CLSTN1: variants seen among roughly 807,000 people sequenced by gnomAD.
CLSTN1 encodes calsyntenin 1, also known as calsyntenin-1.
CLSTN1 carries 28 observed loss-of-function variants against 108.3 expected under a neutral mutation model. The ratio of observed to expected loss-of-function variants is 0.26; its 90% CI spans 0.19 to 0.35. The LOEUF (loss-of-function observed/expected upper bound fraction) is 0.35, where lower values mean the gene tolerates loss of function less well. Ranked by LOEUF, CLSTN1 falls within the 10% of genes least tolerant of loss-of-function variation. The pLI is 1.00. For synonymous variants in CLSTN1, 524 were observed against 534.9 expected, an observed-to-expected ratio of 0.98 and a Z score of 0.28; for missense variants, 1,157 against 1,302.6, an observed-to-expected ratio of 0.89 and a Z score of 1.72.
chr1:9,762,993 G>A (rs991491360), intron 2 of CLSTN1, among the ~76,000 whole-genome samples: 3 of 151,472 alleles, frequency 2.0e-5, no homozygotes, highest in Admixed American at 6.6e-5. Context: ...ACAGAGTCTC[G>A]CTCTGTCACC....
chr1:9,802,516 A>T (rs563275453), intron 1 of CLSTN1, among the ~76,000 whole-genome samples: 9 of 152,330 alleles, frequency 5.9e-5, no homozygotes, highest in African/African-American at 1.9e-4. Flanking sequence ...CAGATTTTTT[A>T]AACTCCACTC....
At chr1:9,821,936 C>T (rs548864356) in intron 1 of CLSTN1, among the ~76,000 whole-genome samples, 57 of 152,276 alleles carry the variant, frequency 3.7e-4, no homozygotes, top group African/African-American at 1.3e-3. Flanking sequence ...AGATTTCTGT[C>T]GGTCTCAGGT....
At chr1:9,777,080 T>A (rs1261308245) in intron 1 of CLSTN1, among the ~76,000 whole-genome samples, 1 of 150,262 alleles carries the variant, frequency 6.7e-6, no homozygotes. Flanking sequence ...ATTAGCCGGG[T>A]GTGGTGACAC....
chr1:9,749,662 A>G lies in CLSTN1; in HGVS notation c.800-16T>C, dbSNP rs769995715. 3 of 1,612,810 alleles carry G rather than the reference A, an allele frequency of 1.9e-6. No individual in the cohort carries two copies. In the South Asian group the frequency reaches 3.3e-5, roughly 18 times the overall value. On this transcript the variant is annotated splice_polypyrimidine_tract_variant and intron_variant, in intron 6 of 18. Coordinates refer to ENST00000377298, the MANE Select transcript of CLSTN1 (RefSeq NM_001009566.3). ...TTGTTCCATCCTGTGTTGGTCCACA[A>G]GTCAGCAGGGGAAGAGAGAAGGAAA...
At chr1:9,749,188 GCCA>G (rs1651428257) in intron 7 of CLSTN1, among the ~76,000 whole-genome samples, 1 of 152,256 alleles carries the variant, frequency 6.6e-6, no homozygotes, top group South Asian at 2.1e-4. Flanking sequence ...ACAGGTATAA[GCCA>G]CCACATCTGG....
chr1:9,796,404 C>T (rs947046034), intron 1 of CLSTN1, among the ~76,000 whole-genome samples: 19 of 150,162 alleles, frequency 1.3e-4, no homozygotes, highest in African/African-American at 2.9e-4. Context: ...GGGCCAGGCG[C>T]GGTGGCTCAC....
rs115266624 is a variant in CLSTN1, at chr1:9,755,993, G to A, written c.244+488C>T. ...GACTGGCTAGACTTGCCTTTGTTTCGGACTTTATCCTATCAAACCTGAAAA... is the reference window on the plus strand; with the variant it reads ...GACTGGCTAGACTTGCCTTTGTTTCAGACTTTATCCTATCAAACCTGAAAA... On this transcript the variant is annotated intron_variant, in intron 3 of 18. Transcript: ENST00000377298. Among the ~76,000 whole-genome samples the A allele has an allele frequency of 4.2e-3, 645 of 152,104 alleles. 6 individuals are homozygous for A. The highest frequency in any genetic ancestry group is 0.014 in the African/African-American group (585 of 41,506).
rs142957859 is a variant in CLSTN1 at position 9,777,501 on chromosome 1, C to A, written c.92-4107G>T. Among the ~76,000 whole-genome samples the A allele has an allele frequency of 4.9e-3, 747 of 152,168 alleles. 5 individuals are homozygous for A. The highest frequency in any genetic ancestry group is 0.017 in the African/African-American group (700 of 41,522). On this transcript the variant is annotated intron_variant, in intron 1 of 18. Coordinates refer to ENST00000377298, the MANE Select transcript of CLSTN1 (RefSeq NM_001009566.3). ...TCTCGCCACTGCACTCCAGCCTGGACAACAGAGCGAGACTATGTCTCAAAA... is the reference window on the plus strand; with the variant it reads ...TCTCGCCACTGCACTCCAGCCTGGAAAACAGAGCGAGACTATGTCTCAAAA...
intron 2 of CLSTN1, among the ~76,000 whole-genome samples, chr1:9,765,200 C>A (rs1021831101): frequency 6.6e-6 from 1 of 151,958 alleles, no homozygotes; most frequent in Admixed American, 6.6e-5. Context: ...GCCTGACCAA[C>A]ATGGAGAAAC....
chr1:9,824,133 A>T (rs1395392919), upstream of CLSTN1: 1 of 140,094 alleles, frequency 7.1e-6, no homozygotes, highest in Admixed American at 6.9e-5. The surrounding 1 kb of genome is among the most constrained non-coding windows in gnomAD (Gnocchi z 5.0). Context: ...CGCGCGGCGG[A>T]CCCGGCAGCG....
chr1:9,818,309 C>T (rs1655056555), intron 1 of CLSTN1, among the ~76,000 whole-genome samples: 1 of 151,448 alleles, frequency 6.6e-6, no homozygotes, highest in Non-Finnish European at 1.5e-5. Flanking sequence ...CATGCCTGGC[C>T]GTTTGGGTTT....
intron 1 of CLSTN1, among the ~76,000 whole-genome samples, chr1:9,794,704 T>C (rs1422563799): frequency 6.6e-6 from 1 of 151,476 alleles, no homozygotes; most frequent in African/African-American, 2.4e-5. Flanking sequence ...TGCAATGTTA[T>C]CAGAAAATAT....
chr1:9,808,748 A>G (rs12738754), intron 1 of CLSTN1, among the ~76,000 whole-genome samples: 4,541 of 152,062 alleles, frequency 0.03, 162 homozygotes, highest in Non-Finnish European at 0.034. Flanking sequence ...ACGGACTCAC[A>G]TTGGTTGGCC....
At chr1:9,780,106 T>C (rs1467226701) in intron 1 of CLSTN1, among the ~76,000 whole-genome samples, 1 of 152,146 alleles carries the variant, frequency 6.6e-6, no homozygotes, top group Non-Finnish European at 1.5e-5. Flanking sequence ...CTGCCTGCAT[T>C]GGCCTCCCAA....
intron 1 of CLSTN1, among the ~76,000 whole-genome samples, chr1:9,815,254 G>C (rs114485631): frequency 6.6e-6 from 1 of 152,182 alleles, no homozygotes. Flanking sequence ...TTAAGAAAAG[G>C]GTTGCTCTGT....
chr1:9,750,715 C>CAAAAAAAAAAAAAAAA (rs775430059), intron 5 of CLSTN1, among the ~76,000 whole-genome samples: 21 of 77,152 alleles, frequency 2.7e-4, no homozygotes, highest in East Asian at 7.3e-4. Context: ...TTCCCTCAAA[C>CAAAAAAAAAAAAAAAA]AAAAAAAAAA....
chr1:9,748,530 C>T (rs1019317353), intron 7 of CLSTN1, among the ~76,000 whole-genome samples: 12 of 152,206 alleles, frequency 7.9e-5, no homozygotes, highest in African/African-American at 2.2e-4. Context: ...CTCTGTCATC[C>T]AGGCTGGAAT....
intron 1 of CLSTN1, among the ~76,000 whole-genome samples, chr1:9,782,014 T>G (rs964276528): frequency 6.6e-6 from 1 of 152,224 alleles, no homozygotes; most frequent in African/African-American, 2.4e-5. Flanking sequence ...CAGCCACCAT[T>G]GGTGAATTCT....
intron 2 of CLSTN1, among the ~76,000 whole-genome samples, chr1:9,768,314 G>A (rs1398887442): frequency 2.0e-5 from 3 of 146,860 alleles, no homozygotes; most frequent in Admixed American, 1.4e-4. Flanking sequence ...TGTGCTGGGC[G>A]GCACCATGGG....
Sources: allele counts gnomAD v4.1 joint callset (sites outside exome capture counted in the v4.1 genomes callset), GRCh38; gene constraint gnomAD v4.1.1; non-coding constraint Gnocchi (gnomAD v3.1); transcripts MANE v1.5; gene names NCBI Gene and HGNC (gene_info 2026-07-23, HGNC 2026-07-21).